The following KANK1 variants were observed in gnomAD, a reference collection of about 807,000 sequenced individuals.
KANK1 encodes the protein KN motif and ankyrin repeat domains 1, also known as KN motif and ankyrin repeat domain-containing protein 1.
A neutral mutation model predicts 106.2 loss-of-function variants in KANK1; 109 were observed. The observed-to-expected ratio is 1.03, with a 90% CI of 0.88 to 1.20. KANK1 has a LOEUF of 1.20. Among genes scored for constraint, KANK1 ranks in the 50% most tolerant of loss-of-function variants. The probability of loss-of-function intolerance (pLI) is 0.00; values close to 1 mark genes in which losing one functional copy is unlikely to be tolerated. For synonymous variants in KANK1, 873 were observed against 652.2 expected (o/e 1.34, Z -5.16); for missense variants, 2,399 against 1,710.7 (o/e 1.40, Z -7.10).
At position 597,436 on chromosome 9, in the gene KANK1, T is replaced by C. The variant is rs1431032646; in HGVS notation, c.-83-79454T>C. Among the ~76,000 whole-genome samples, 9 of 151,936 alleles carry C rather than the reference T, an allele frequency of 5.9e-5. No individual in the cohort carries two copies. The East Asian group carries it at 1.7e-3, about 29-fold the overall frequency. On this transcript the variant is annotated intron_variant, in intron 1 of 11. Transcript: ENST00000382297. ...GTATAAAGTAGTATTTTATTATGGT[T>C]TTGATTTATATTTTCCTAATGATTA...
chr9:725,545 A>C (rs1272086310), intron 3 of KANK1, among the ~76,000 whole-genome samples: 1 of 151,672 alleles, frequency 6.6e-6, no homozygotes, highest in Non-Finnish European at 1.5e-5. Context: ...CTTACATTGA[A>C]TTTTTTGCCA....
chr9:706,127 G>C (rs1824092862), intron 2 of KANK1, among the ~76,000 whole-genome samples: 1 of 152,174 alleles, frequency 6.6e-6, no homozygotes. Context: ...ACAATTGTTT[G>C]TGAAAATGAC....
intron 1 of KANK1, among the ~76,000 whole-genome samples, chr9:619,614 A>G (rs1832666648): frequency 6.6e-6 from 1 of 152,162 alleles, no homozygotes; most frequent in South Asian, 2.1e-4. Context: ...AAGATAAGTG[A>G]TGATCCACAA....
chr9:570,559 T>C (rs1400779922), intron 1 of KANK1, among the ~76,000 whole-genome samples: 1 of 152,214 alleles, frequency 6.6e-6, no homozygotes, highest in Non-Finnish European at 1.5e-5. Context: ...GCAGAAATAA[T>C]TTTCTAAATG....
chr9:616,066 TC>T (rs763718854), intron 1 of KANK1, among the ~76,000 whole-genome samples: 3 of 152,058 alleles, frequency 2.0e-5, no homozygotes, highest in Non-Finnish European at 2.9e-5. Context: ...CAGTGTCACC[TC>T]CCCACCCAGC....
At chr9:535,456 T>C (rs184631816) in intron 1 of KANK1, among the ~76,000 whole-genome samples, 1 of 152,344 alleles carries the variant, frequency 6.6e-6, no homozygotes, top group Admixed American at 6.5e-5. Flanking sequence ...TACTCTGTAC[T>C]GGGCACTGTA....
chr9:536,103 T>C (rs1212514762), intron 1 of KANK1, among the ~76,000 whole-genome samples: 1 of 152,070 alleles, frequency 6.6e-6, no homozygotes, highest in Non-Finnish European at 1.5e-5. Flanking sequence ...TTCAGGAGGC[T>C]GAGGTGGGCG....
chr9:712,478 T>C lies in KANK1; in HGVS notation c.1712T>C (p.Val571Ala). The C allele has an allele frequency of 6.2e-7, 1 of 1,613,968 alleles. No homozygotes were observed. Among genetic ancestry groups the C allele is most frequent in the Non-Finnish European group, 8.5e-7 (1 of 1,179,998 alleles). ...GAGCTGCCTATGAATTGGTGGATTG[T>C]TAAGGAGAGGGTGGAAATGCATGAC... Reference protein sequence around the residue: ...GPELPMNWWIVKERVEMHDRC... With the variant: ...GPELPMNWWIAKERVEMHDRC... The change falls in exon 3 of 12, where the codon GTT becomes GCT. Residue 571 changes from valine (V) to alanine (A), a missense_variant. Physicochemically the swap from Val to Ala is moderately conservative, Grantham distance 64. Coordinates refer to ENST00000382297, the MANE Select transcript of KANK1 (RefSeq NM_015158.5).
At chr9:648,961 G>T (rs7865421) in intron 1 of KANK1, among the ~76,000 whole-genome samples, 26,625 of 152,084 alleles carry the variant, frequency 0.18, 2,663 homozygotes, top group East Asian at 0.32. Flanking sequence ...ATTATTAGGA[G>T]ACTCTCATTC....
intron 1 of KANK1, among the ~76,000 whole-genome samples, chr9:555,558 T>C (rs556550553): frequency 1.1e-4 from 17 of 152,374 alleles, no homozygotes; most frequent in African/African-American, 4.1e-4. Context: ...TCTGGAATGT[T>C]TCAGCATCCA....
At chr9:557,646 A>G (rs1422741904) in intron 1 of KANK1, among the ~76,000 whole-genome samples, 3 of 152,228 alleles carry the variant, frequency 2.0e-5, no homozygotes, top group Non-Finnish European at 2.9e-5. Context: ...ACAGATCACG[A>G]AAGTACTAAT....
intron 1 of KANK1, among the ~76,000 whole-genome samples, chr9:554,677 C>T (rs1310988842): frequency 6.6e-6 from 1 of 152,144 alleles, no homozygotes; most frequent in Admixed American, 6.5e-5. Flanking sequence ...TGTTAGAGAA[C>T]GATGTTAACA....
chr9:591,855 C>T (rs1824970343), intron 1 of KANK1, among the ~76,000 whole-genome samples: 1 of 151,654 alleles, frequency 6.6e-6, no homozygotes, highest in African/African-American at 2.4e-5. Flanking sequence ...GTCGGGGTTT[C>T]ACCGTGTTAG....
intron 1 of KANK1, among the ~76,000 whole-genome samples, chr9:511,466 C>G (rs1001471889): frequency 1.3e-5 from 2 of 152,146 alleles, no homozygotes; most frequent in African/African-American, 2.4e-5. Context: ...TACTAAACCT[C>G]TCTGTGTGTC....
intron 1 of KANK1, among the ~76,000 whole-genome samples, chr9:529,301 T>C (rs1357772932): frequency 6.6e-6 from 1 of 151,840 alleles, no homozygotes; most frequent in Non-Finnish European, 1.5e-5. Flanking sequence ...ACACTTTTTT[T>C]TTTTTTGAGA....
At chr9:574,367 C>T (rs1346245148) in intron 1 of KANK1, among the ~76,000 whole-genome samples, 2 of 151,230 alleles carry the variant, frequency 1.3e-5, no homozygotes, top group Admixed American at 6.6e-5. Context: ...CTGGGGTGCT[C>T]TGGGAAAATG....
intron 2 of KANK1, among the ~76,000 whole-genome samples, chr9:706,033 T>C (rs1461032956): frequency 6.6e-6 from 1 of 152,198 alleles, no homozygotes; most frequent in Non-Finnish European, 1.5e-5. Context: ...TTTATGTTGA[T>C]GTATGTAAAC....
chr9:654,342 C>T (rs1209705155), intron 1 of KANK1, among the ~76,000 whole-genome samples: 1 of 152,180 alleles, frequency 6.6e-6, no homozygotes, highest in Non-Finnish European at 1.5e-5. Flanking sequence ...AGACAAGAAT[C>T]AGTTGAGAAT....
rs369259987 is a variant in KANK1, at chr9:553,752, C to A, written c.-84+48998C>A. Reference sequence around the variant, plus strand: ...CTGAACTTTGGTAAATTCAAAGCTTCCCTCTATACGAATTTACTTTTATAG... The same window carrying A: ...CTGAACTTTGGTAAATTCAAAGCTTACCTCTATACGAATTTACTTTTATAG... On this transcript the variant is annotated intron_variant, in intron 1 of 11. Transcript: ENST00000382297. 2.0e-5 allele frequency among the ~76,000 whole-genome samples: 3 copies of A among 152,248 alleles called. No homozygotes were observed. The East Asian group carries it at 5.8e-4, about 29-fold the overall frequency.
Sources: allele counts gnomAD v4.1 joint callset (sites outside exome capture counted in the v4.1 genomes callset), GRCh38; gene constraint gnomAD v4.1.1; transcripts MANE v1.5; gene names NCBI Gene and HGNC (gene_info 2026-07-23, HGNC 2026-07-21).